The following RFTN2 variants were observed in gnomAD, a reference collection of about 807,000 sequenced individuals.
The protein encoded by RFTN2 is raftlin-2.
A neutral mutation model predicts 52.7 loss-of-function variants in RFTN2; 34 were observed. That is an observed-to-expected ratio of 0.64 (90% CI 0.49 to 0.86). The LOEUF is 0.86. Among genes scored for constraint, RFTN2 ranks in the 40% least tolerant of loss-of-function variants. The pLI is 0.00. For synonymous variants in RFTN2, 203 were observed against 217.7 expected, an observed-to-expected ratio of 0.93 and a Z score of 0.59; for missense variants, 536 against 600.1, an observed-to-expected ratio of 0.89 and a Z score of 1.12.
intron 8 of RFTN2, among the ~76,000 whole-genome samples, chr2:197,592,462 TG>T (rs1438979639): frequency 6.6e-6 from 1 of 151,728 alleles, no homozygotes; most frequent in Non-Finnish European, 1.5e-5. Flanking sequence ...TCCAAAGTGC[TG>T]GGATTACAGG....
At chr2:197,572,739 A>G (rs1419375943) in intron 8 of RFTN2, among the ~76,000 whole-genome samples, 2 of 152,200 alleles carry the variant, frequency 1.3e-5, no homozygotes, top group Non-Finnish European at 2.9e-5. Flanking sequence ...TCACAGTGAT[A>G]TGGTTTGGCT....
chr2:197,577,683 CTT>C (rs1411330344), intron 8 of RFTN2, among the ~76,000 whole-genome samples: 1 of 151,950 alleles, frequency 6.6e-6, no homozygotes, highest in Non-Finnish European at 1.5e-5. Flanking sequence ...TGCATTTACT[CTT>C]TTTTTTGAGA....
At chr2:197,582,676 C>T (rs1050422612) in intron 8 of RFTN2, among the ~76,000 whole-genome samples, 3 of 152,216 alleles carry the variant, frequency 2.0e-5, no homozygotes, top group Non-Finnish European at 4.4e-5. Context: ...TGCATATCCA[C>T]ACCACCATGC....
intron 8 of RFTN2, among the ~76,000 whole-genome samples, chr2:197,583,953 G>T (rs569040128): frequency 9.6e-6 from 1 of 104,224 alleles, no homozygotes; most frequent in Non-Finnish European, 2.0e-5. Flanking sequence ...CAAAGGACAT[G>T]AAATCATCCT....
intron 8 of RFTN2, among the ~76,000 whole-genome samples, chr2:197,592,655 G>C: frequency 6.6e-6 from 1 of 152,076 alleles, no homozygotes; most frequent in Non-Finnish European, 1.5e-5. Context: ...AAAATTCTTT[G>C]AAAGACTTTA....
At chr2:197,620,069 G>A (rs2106217292) in intron 5 of RFTN2, among the ~76,000 whole-genome samples, 1 of 151,270 alleles carries the variant, frequency 6.6e-6, no homozygotes, top group Non-Finnish European at 1.5e-5. Context: ...TAACCATTAA[G>A]AGAAACAGCA....
chr2:197,583,802 G>A (rs540742701), intron 8 of RFTN2, among the ~76,000 whole-genome samples: 10 of 151,720 alleles, frequency 6.6e-5, no homozygotes, highest in Admixed American at 1.3e-4. Flanking sequence ...GACAGGCCCC[G>A]GTGTGTGATG....
chr2:197,583,517 C>G (rs1299799702), intron 8 of RFTN2, among the ~76,000 whole-genome samples: 1 of 152,130 alleles, frequency 6.6e-6, no homozygotes, highest in African/African-American at 2.4e-5. Context: ...AACCTTCATA[C>G]CCTTTACCAT....
intron 3 of RFTN2, among the ~76,000 whole-genome samples, chr2:197,638,837 A>T: frequency 6.9e-6 from 1 of 145,284 alleles, no homozygotes; most frequent in Non-Finnish European, 1.5e-5. Context: ...CCTAGTCTCG[A>T]TGGTCTTTAC....
chr2:197,608,852 A>G (rs1300967762), intron 7 of RFTN2, among the ~76,000 whole-genome samples: 3 of 151,430 alleles, frequency 2.0e-5, no homozygotes, highest in East Asian at 1.9e-4. Context: ...CTCATTGTTC[A>G]ACTCCCACTT....
chr2:197,590,744 T>C (rs567162141), intron 8 of RFTN2, among the ~76,000 whole-genome samples: 4 of 151,878 alleles, frequency 2.6e-5, no homozygotes, highest in Admixed American at 6.6e-5. Flanking sequence ...CCACGGTGAG[T>C]GTTACAGCTC....
chr2:197,672,336 T>C (rs73988499), intron 1 of RFTN2, among the ~76,000 whole-genome samples: 2,840 of 152,296 alleles, frequency 0.019, 80 homozygotes, highest in African/African-American at 0.066. Flanking sequence ...TGTCGAGTTG[T>C]AGTTGCACAA....
intron 7 of RFTN2, among the ~76,000 whole-genome samples, chr2:197,612,878 G>A (rs2088085884): frequency 1.3e-5 from 2 of 152,166 alleles, no homozygotes; most frequent in Non-Finnish European, 2.9e-5. Context: ...CAGAAGAGTA[G>A]GGAGAATGTT....
intron 1 of RFTN2, among the ~76,000 whole-genome samples, chr2:197,655,680 C>G (rs1574746558): frequency 6.6e-6 from 1 of 152,086 alleles, no homozygotes; most frequent in African/African-American, 2.4e-5. Context: ...AAAAATTAGC[C>G]AGGCATGGTG....
intron 5 of RFTN2, among the ~76,000 whole-genome samples, chr2:197,627,429 C>G (rs1270892046): frequency 2.0e-5 from 3 of 152,192 alleles, no homozygotes; most frequent in Non-Finnish European, 4.4e-5. Flanking sequence ...ATACGGCTAG[C>G]GCCTTGTAAG....
At chr2:197,625,709 CT>C (rs2088346154) in intron 5 of RFTN2, among the ~76,000 whole-genome samples, 1 of 136,444 alleles carries the variant, frequency 7.3e-6, no homozygotes, top group Non-Finnish European at 1.6e-5. Context: ...CTCTCCTCTC[CT>C]CTCCTCTCCT....
chr2:197,587,369 C>A (rs959599367), intron 8 of RFTN2, among the ~76,000 whole-genome samples: 9 of 152,134 alleles, frequency 5.9e-5, no homozygotes, highest in Non-Finnish European at 1.3e-4. Context: ...TGTCAGGCCT[C>A]TGAGCCCAAG....
chr2:197,654,537 T>C (rs2088867181), intron 1 of RFTN2, among the ~76,000 whole-genome samples: 1 of 152,342 alleles, frequency 6.6e-6, no homozygotes, highest in African/African-American at 2.4e-5. Flanking sequence ...ATCCAATGTT[T>C]AATTCTGTGT....
intron 3 of RFTN2, among the ~76,000 whole-genome samples, chr2:197,641,011 G>A (rs1407212960): frequency 6.6e-6 from 1 of 152,158 alleles, no homozygotes; most frequent in African/African-American, 2.4e-5. Context: ...TGTTAAATTA[G>A]TTAAATGAAG....
Sources: allele counts gnomAD v4.1 joint callset (sites outside exome capture counted in the v4.1 genomes callset), GRCh38; gene constraint gnomAD v4.1.1; transcripts MANE v1.5; gene names NCBI Gene and HGNC (gene_info 2026-07-23, HGNC 2026-07-21).